The following NF1 variants were observed in gnomAD, a reference collection of about 807,000 sequenced individuals.
NF1 encodes neurofibromin 1, also known as neurofibromin.
NF1 carries 122 observed loss-of-function variants against 325.7 expected under a neutral mutation model. The observed-to-expected ratio is 0.37, with a 90% CI of 0.32 to 0.44. The LOEUF is 0.44. NF1 is among the 20% of genes least tolerant of loss of function. NF1 has a pLI of 1.00. For synonymous variants in NF1, 1,091 were observed against 1,186.0 expected (o/e 0.92, Z 1.65); for missense variants, 2,140 against 3,415.4 (o/e 0.63, Z 9.31).
chr17:31,097,565 GTTGT>G (rs1284557511), intron 1 of NF1, among the ~76,000 whole-genome samples: 2 of 151,742 alleles, frequency 1.3e-5, no homozygotes, highest in Non-Finnish European at 2.9e-5. Context: ...TTAAGGCTTC[GTTGT>G]TTGTTATGCA....
chr17:31,287,577 T>TGTGTGTGTGA (rs530472361), intron 36 of NF1, among the ~76,000 whole-genome samples: 1 of 149,580 alleles, frequency 6.7e-6, no homozygotes, highest in African/African-American at 2.4e-5. Context: ...TGTGTGTGTG[T>TGTGTGTGTGA]GACACAGGGT....
intron 8 of NF1, among the ~76,000 whole-genome samples, chr17:31,191,723 A>G (rs2066345261): frequency 6.6e-6 from 1 of 152,216 alleles, no homozygotes; most frequent in Non-Finnish European, 1.5e-5. Context: ...CTGAAAGTTC[A>G]TATTTAATAA....
chr17:31,186,305 G>A (rs1421674635), intron 8 of NF1, among the ~76,000 whole-genome samples: 1 of 152,160 alleles, frequency 6.6e-6, no homozygotes, highest in African/African-American at 2.4e-5. Flanking sequence ...ACTAGGGCCT[G>A]GTTCGCAGAT....
chr17:31,223,097 C>G (rs17881503), intron 15 of NF1, among the ~76,000 whole-genome samples: 8 of 152,102 alleles, frequency 5.3e-5, no homozygotes, highest in African/African-American at 1.9e-4. Context: ...CTTGCAGACC[C>G]CCACTGTGGA....
chr17:31,313,940 A>G (rs2068956969), intron 36 of NF1: 2 of 397,738 alleles, frequency 5.0e-6, no homozygotes, highest in Admixed American at 8.8e-5. Flanking sequence ...AATTTTATAT[A>G]AAGCAAGATC....
Position 31,225,169 on chromosome 17 carries a change from C to G in NF1, c.1920C>G (p.Thr640=), listed in dbSNP as rs1555613574. The change falls in exon 17 of 58, where the codon ACC becomes ACG. Residue 640 remains threonine (T), a synonymous_variant. Transcript: ENST00000358273. The part of the protein sequence containing the change: ...VGCDIPSSGN[T]SQMSMDHEEL... ...GTGATATTCCTTCTAGTGGAAATACCAGTCAAATGTCCATGGATCATGAAG... is the reference window on the plus strand; with the variant it reads ...GTGATATTCCTTCTAGTGGAAATACGAGTCAAATGTCCATGGATCATGAAG... The G allele has an allele frequency of 6.2e-7, 1 of 1,613,564 alleles. No homozygotes were observed. The highest frequency in any genetic ancestry group is 8.5e-7 in the Non-Finnish European group (1 of 1,179,652).
intron 39 of NF1, chr17:31,331,932 A>AT: frequency 6.8e-6 from 1 of 147,840 alleles, no homozygotes; most frequent in East Asian, 2.0e-4. Flanking sequence ...AAAAAAAAAA[A>AT]AAAAAAAGTT....
At chr17:31,141,412 C>T (rs1916204893) in intron 1 of NF1, among the ~76,000 whole-genome samples, 1 of 151,586 alleles carries the variant, frequency 6.6e-6, no homozygotes, top group Non-Finnish European at 1.5e-5. Context: ...AATATTCTTC[C>T]TTTTTTCTTA....
At chr17:31,173,911 G>A (rs566979684) in intron 5 of NF1, among the ~76,000 whole-genome samples, 2 of 152,298 alleles carry the variant, frequency 1.3e-5, no homozygotes, top group South Asian at 2.1e-4. Flanking sequence ...AGAGCACTGT[G>A]AAGAGTAATG....
At chr17:31,250,054 C>T (rs1006298589) in intron 30 of NF1, 2 of 490,116 alleles carry the variant, frequency 4.1e-6, no homozygotes, top group African/African-American at 3.9e-5. Context: ...TTTGAGGCTG[C>T]TCTATGTGAA....
chr17:31,118,862 C>G (rs2143364829), intron 1 of NF1, among the ~76,000 whole-genome samples: 1 of 152,136 alleles, frequency 6.6e-6, no homozygotes, highest in East Asian at 1.9e-4. Flanking sequence ...TGAGGAATCG[C>G]CACACTGTCT....
chr17:31,214,602 G>A lies in NF1; in HGVS notation c.1527+17G>A, dbSNP rs751609545. ...TTGCTTTGTGTAAGTATTTTTTTATGAAATGTCTCAAAATTATCACACTAA... is the reference window on the plus strand; with the variant it reads ...TTGCTTTGTGTAAGTATTTTTTTATAAAATGTCTCAAAATTATCACACTAA... On this transcript the variant is annotated intron_variant, in intron 13 of 57. Transcript: ENST00000358273. The A allele has an allele frequency of 1.2e-5, 19 of 1,611,378 alleles. 1 individual carries two copies. The South Asian group carries it at 1.3e-4, about 11-fold the overall frequency.
intron 1 of NF1, among the ~76,000 whole-genome samples, chr17:31,117,189 C>T (rs1913998126): frequency 6.6e-6 from 1 of 151,674 alleles, no homozygotes. Flanking sequence ...CCATATTGGC[C>T]AGGCTGGTCT....
intron 36 of NF1, among the ~76,000 whole-genome samples, chr17:31,316,942 T>C (rs1292612966): frequency 6.6e-6 from 1 of 152,090 alleles, no homozygotes; most frequent in Non-Finnish European, 1.5e-5. Flanking sequence ...TACGTAAAAA[T>C]TACCAATGCT....
intron 36 of NF1, among the ~76,000 whole-genome samples, chr17:31,315,862 T>TA (rs1219281859): frequency 6.6e-6 from 1 of 152,178 alleles, no homozygotes; most frequent in Non-Finnish European, 1.5e-5. Flanking sequence ...AGTTTTTTTT[T>TA]ATGGGCTCCT....
chr17:31,251,831 A>G (rs1427343469), intron 30 of NF1: 3 of 213,362 alleles, frequency 1.4e-5, no homozygotes, highest in Non-Finnish European at 2.8e-5. Context: ...GTAGGTACAC[A>G]GTAACTCTTT....
chr17:31,295,100 A>T lies in NF1; in HGVS notation c.4835+29761A>T, dbSNP rs139076681. On this transcript the variant is annotated intron_variant, in intron 36 of 57. Transcript: ENST00000358273. Reference sequence around the variant, plus strand: ...TGCCACAGAAGGTAATGGAGTCTTTACATTTGTGGTTGTCTCTTCCCTCCA... The same window carrying T: ...TGCCACAGAAGGTAATGGAGTCTTTTCATTTGTGGTTGTCTCTTCCCTCCA... The T allele has an allele frequency of 9.3e-6, 15 of 1,614,034 alleles. No individual in the cohort carries two copies. The African/African-American group carries it at 2.0e-4, about 22-fold the overall frequency.
chr17:31,334,925 A>G lies in NF1; in HGVS notation c.5900A>G (p.Lys1967Arg), dbSNP rs1567615807. The G allele has an allele frequency of 6.2e-7, 1 of 1,613,900 alleles. No homozygotes were observed. Among genetic ancestry groups the G allele is most frequent in the South Asian group, 1.1e-5 (1 of 91,062 alleles). ...TTTTGCAAGCATAATGATGATGCCA[A>G]ACGACAAAGAGTTACTGCTATTCTT... ...VRFCKHNDDA[K>R]RQRVTAILDK... Residue 1967 changes from lysine to arginine, a missense_variant, in exon 40 of 58, where the codon AAA becomes AGA. By Grantham distance (26) the Lys-to-Arg change is conservative. This residue lies in a region of NF1 where 180 missense variants were observed against 435.1 expected (regional missense o/e 0.41). Transcript: ENST00000358273.
At chr17:31,129,987 T>C (rs956364872) in intron 1 of NF1, among the ~76,000 whole-genome samples, 2 of 152,080 alleles carry the variant, frequency 1.3e-5, no homozygotes, top group African/African-American at 2.4e-5. Flanking sequence ...GGAAAGAAGA[T>C]GCTCTGGCTT....
Sources: allele counts gnomAD v4.1 joint callset (sites outside exome capture counted in the v4.1 genomes callset), GRCh38; gene constraint gnomAD v4.1.1; regional missense constraint gnomAD v4.1.1; transcripts MANE v1.5; gene names NCBI Gene and HGNC (gene_info 2026-07-23, HGNC 2026-07-21).